SLC22A16: variants seen among roughly 807,000 people sequenced by gnomAD.
SLC22A16 encodes WUGSC:RG331P03.1.
In SLC22A16, 53 loss-of-function variants were observed where a neutral mutation model predicts 52.9. That is an observed-to-expected ratio of 1.00 (90% CI 0.80 to 1.26). SLC22A16 has a LOEUF of 1.26. Ranked by LOEUF, SLC22A16 falls within the 50% of genes most tolerant of loss-of-function variation. The pLI, the probability that SLC22A16 is intolerant of heterozygous loss-of-function variation, is 0.00. For missense variants in SLC22A16, 726 were observed against 704.0 expected, an observed-to-expected ratio of 1.03 and a Z score of -0.35; for synonymous variants, 291 against 268.8, an observed-to-expected ratio of 1.08 and a Z score of -0.81.
At chr6:110,459,882 G>A (rs35745913) in intron 1 of SLC22A16, among the ~76,000 whole-genome samples, 12,124 of 152,086 alleles carry the variant, frequency 0.08, 512 homozygotes, top group Middle Eastern at 0.14. Context: ...AAAAATCACC[G>A]CATAAGGACA....
rs763144710 is a variant in SLC22A16, at chr6:110,438,848, C to T, written c.1184-1G>A. 6.2e-7 allele frequency: 1 copy of T among 1,613,828 alleles called. No homozygotes were observed. The highest frequency in any genetic ancestry group is 2.2e-5 in the East Asian group (1 of 44,868). On this transcript the variant is annotated splice_acceptor_variant, in intron 4 of 7. Coordinates refer to ENST00000368919, the MANE Select transcript of SLC22A16 (RefSeq NM_033125.4). LOFTEE classifies it high-confidence loss of function. ...GTGTAGGCGGGAATTTCCACTACAC[C>T]TGTCATTGAGCAAGCAGCCCTCTAT... is the stretch of plus-strand genomic sequence containing the variant.
chr6:110,474,495 C>T (rs1776389945), intron 1 of SLC22A16, among the ~76,000 whole-genome samples: 1 of 152,218 alleles, frequency 6.6e-6, no homozygotes, highest in Non-Finnish European at 1.5e-5. Context: ...TGGTTTGTTA[C>T]CCTTTTCCCT....
intron 1 of SLC22A16, among the ~76,000 whole-genome samples, chr6:110,473,670 C>T (rs1349555681): frequency 2.7e-5 from 4 of 148,992 alleles, no homozygotes; most frequent in Non-Finnish European, 5.9e-5. Context: ...GACCACAGGC[C>T]CCCGCCACCA....
chr6:110,463,339 T>C (rs1775951037), intron 1 of SLC22A16, among the ~76,000 whole-genome samples: 1 of 150,840 alleles, frequency 6.6e-6, no homozygotes, highest in Non-Finnish European at 1.5e-5. Flanking sequence ...GCAAAATGGA[T>C]TTTTTTTTAA....
At chr6:110,476,187 TGA>T in intron 1 of SLC22A16, 1 of 488,582 alleles carries the variant, frequency 2.0e-6, no homozygotes, top group Non-Finnish European at 3.5e-6. Context: ...CCCCTACGAG[TGA>T]GATCTGGCCC....
chr6:110,455,682 T>TAA (rs1775621233), intron 2 of SLC22A16: 1 of 152,220 alleles, frequency 6.6e-6, no homozygotes, highest in South Asian at 2.1e-4. Flanking sequence ...ATGCTTTGAA[T>TAA]GATAGTATTC....
chr6:110,448,143 A>T (rs977070700), intron 2 of SLC22A16, among the ~76,000 whole-genome samples: 4 of 152,082 alleles, frequency 2.6e-5, no homozygotes, highest in Non-Finnish European at 5.9e-5. Context: ...GATTCTCCAC[A>T]TTCTCCCCAC....
chr6:110,457,570 T>C (rs1013284951), intron 1 of SLC22A16, among the ~76,000 whole-genome samples: 3 of 152,208 alleles, frequency 2.0e-5, no homozygotes, highest in Non-Finnish European at 4.4e-5. Flanking sequence ...ATCATAGACA[T>C]GATTATATAT....
chr6:110,438,871 T>C lies in SLC22A16; in HGVS notation c.1184-24A>G, dbSNP rs1310665699. On this transcript the variant is annotated intron_variant, in intron 4 of 7. Coordinates refer to ENST00000368919, the MANE Select transcript of SLC22A16 (RefSeq NM_033125.4). ...ACCTGTCATTGAGCAAGCAGCCCTC[T>C]ATAAGTCTAGGTACCCGACTGCAAA... The C allele has an allele frequency of 5.0e-6, 8 of 1,612,780 alleles. No individual in the cohort carries two copies. In the East Asian group the frequency reaches 1.8e-4, roughly 36 times the overall value.
intron 6 of SLC22A16, 64 bp downstream of exon 6, chr6:110,435,788 T>C: frequency 8.0e-7 from 1 of 1,249,588 alleles, no homozygotes; most frequent in Non-Finnish European, 1.1e-6. Flanking sequence ...AAAGGCCAAA[T>C]ACAATGAAAT....
rs1272744461 is a variant in SLC22A16, at chr6:110,476,602, T to A, written c.-28A>T. The A allele has an allele frequency of 6.6e-7, 1 of 1,520,194 alleles. No homozygotes were observed. Among genetic ancestry groups the A allele is most frequent in the African/African-American group, 1.4e-5 (1 of 69,170 alleles). 94.2% of individuals were successfully genotyped at this position (1,520,194 alleles called of 1,614,324 possible). On this transcript the variant is annotated 5_prime_UTR_variant, in exon 1 of 8. Coordinates refer to ENST00000368919, the MANE Select transcript of SLC22A16 (RefSeq NM_033125.4). ...TGCGGCCGTGCACTGGGCGCCGAGT[T>A]AGCCGAGCTCCGGGGACTGCGGGTA...
chr6:110,448,252 T>C (rs1775250685), intron 2 of SLC22A16, among the ~76,000 whole-genome samples: 1 of 152,246 alleles, frequency 6.6e-6, no homozygotes, highest in South Asian at 2.1e-4. Context: ...TGATTAATGA[T>C]GTTGAGCATC....
At chr6:110,430,855 G>A (rs1186722815) in intron 7 of SLC22A16, among the ~76,000 whole-genome samples, 1 of 152,202 alleles carries the variant, frequency 6.6e-6, no homozygotes, top group Non-Finnish European at 1.5e-5. Context: ...GGGGGCAGAT[G>A]CCCTGAGGAG....
chr6:110,445,736 T>C (rs1775144562), intron 3 of SLC22A16, among the ~76,000 whole-genome samples: 1 of 152,222 alleles, frequency 6.6e-6, no homozygotes, highest in Non-Finnish European at 1.5e-5. Flanking sequence ...CAAAAGATGA[T>C]GTTTATACTT....
chr6:110,446,404 A>G (rs1005739188), intron 3 of SLC22A16, among the ~76,000 whole-genome samples: 14 of 152,322 alleles, frequency 9.2e-5, no homozygotes, highest in African/African-American at 1.2e-4. Flanking sequence ...TCATACAACT[A>G]ACAAGCCAAT....
At chr6:110,457,039 T>C in intron 1 of SLC22A16, 22 bp from the exon 2 acceptor site, 14 of 1,515,170 alleles carry the variant, frequency 9.2e-6, no homozygotes, top group Non-Finnish European at 1.2e-5. Context: ...GAAAAGCTAA[T>C]TATTATATCT....
intron 6 of SLC22A16, among the ~76,000 whole-genome samples, chr6:110,434,558 G>A (rs1473434789): frequency 7.4e-6 from 1 of 134,336 alleles, no homozygotes; most frequent in East Asian, 2.3e-4. Flanking sequence ...GAAAAGCTTT[G>A]TAAAAGCTTG....
At chr6:110,455,737 T>G (rs938629590) in intron 2 of SLC22A16, 2 of 152,242 alleles carry the variant, frequency 1.3e-5, no homozygotes, top group African/African-American at 4.8e-5. Flanking sequence ...GCAACACTAT[T>G]AAGAGGGATG....
rs1321812413 is a variant in SLC22A16 at position 110,424,969 on chromosome 6, A to G, written c.1638T>C (p.Asn546=). 6.2e-7 allele frequency: 1 copy of G among 1,614,148 alleles called. No individual in the cohort carries two copies. Among genetic ancestry groups the G allele is most frequent in the Non-Finnish European group, 8.5e-7 (1 of 1,180,026 alleles). ...WEEAAKLESE[N]ESKSSKLLLT... ...GAAGTAATTTGCTTGACTTGCTTTC[A>G]TTCTCTGACTCCAGTTTTGCAGCCT... The change falls in exon 8 of 8, where the codon AAT becomes AAC. Residue 546 remains asparagine (N), a synonymous_variant. Transcript: ENST00000368919.
Sources: allele counts gnomAD v4.1 joint callset (sites outside exome capture counted in the v4.1 genomes callset), GRCh38; gene constraint gnomAD v4.1.1; transcripts MANE v1.5; gene names NCBI Gene and HGNC (gene_info 2026-07-23, HGNC 2026-07-21).